The following PTPRT variants were observed in gnomAD, a reference collection of about 807,000 sequenced individuals.
The protein encoded by PTPRT is protein tyrosine phosphatase receptor type T, also known as receptor-type tyrosine-protein phosphatase T.
A neutral mutation model predicts 176.8 loss-of-function variants in PTPRT; 56 were observed. The ratio of observed to expected loss-of-function variants is 0.32; its 90% CI spans 0.26 to 0.40. The LOEUF is 0.40. Ranked by LOEUF, PTPRT falls within the 10% of genes least tolerant of loss-of-function variation. The pLI, the probability that PTPRT is intolerant of heterozygous loss-of-function variation, is 1.00. For missense variants in PTPRT, 1,540 were observed against 1,908.2 expected (o/e 0.81, Z 3.60); for synonymous variants, 783 against 739.0 (o/e 1.06, Z -0.96).
chr20:42,622,510 C>T (rs1600489173), intron 7 of PTPRT, among the ~76,000 whole-genome samples: 1 of 152,074 alleles, frequency 6.6e-6, no homozygotes, highest in Non-Finnish European at 1.5e-5. Context: ...AAAGTGCTGG[C>T]ATTACAGGCA....
chr20:42,929,427 G>A (rs1004365691), intron 1 of PTPRT, among the ~76,000 whole-genome samples: 1 of 152,226 alleles, frequency 6.6e-6, no homozygotes, highest in Admixed American at 6.5e-5. Context: ...GGACAGAGGT[G>A]TATAAATATG....
At chr20:42,177,816 T>C (rs1990355107) in intron 16 of PTPRT, among the ~76,000 whole-genome samples, 1 of 152,072 alleles carries the variant, frequency 6.6e-6, no homozygotes, top group Non-Finnish European at 1.5e-5. Context: ...GGTAAAGATC[T>C]TTCTGTCTGT....
At chr20:42,805,805 T>C (rs758416000) in intron 2 of PTPRT, among the ~76,000 whole-genome samples, 29 of 152,314 alleles carry the variant, frequency 1.9e-4, no homozygotes, top group South Asian at 2.1e-4. Context: ...TTTTATAGTA[T>C]AGATCACGTG....
chr20:42,110,070 A>G (rs1159883697), intron 23 of PTPRT, among the ~76,000 whole-genome samples: 7 of 148,406 alleles, frequency 4.7e-5, no homozygotes, highest in African/African-American at 1.7e-4. Context: ...TTTTTGAGAC[A>G]GAGTCTCGCT....
chr20:42,306,956 C>A (rs913447425), intron 12 of PTPRT, among the ~76,000 whole-genome samples: 18 of 152,194 alleles, frequency 1.2e-4, no homozygotes, highest in Non-Finnish European at 2.2e-4. Flanking sequence ...GGTGAAAGCA[C>A]CTTGCTTAAT....
intron 9 of PTPRT, among the ~76,000 whole-genome samples, chr20:42,393,251 G>C (rs1001884540): frequency 3.9e-5 from 6 of 152,172 alleles, no homozygotes; most frequent in African/African-American, 1.4e-4. Context: ...GCCATATTTG[G>C]GGGTAGCATG....
At chr20:42,276,643 T>C (rs1449407673) in intron 13 of PTPRT, among the ~76,000 whole-genome samples, 1 of 148,396 alleles carries the variant, frequency 6.7e-6, no homozygotes, top group Admixed American at 6.7e-5. Context: ...AACTGACTTG[T>C]CCAAGGTCTA....
intron 24 of PTPRT, among the ~76,000 whole-genome samples, chr20:42,105,858 T>C (rs1390357109): frequency 6.6e-6 from 1 of 152,204 alleles, no homozygotes; most frequent in African/African-American, 2.4e-5. Context: ...GCAGGATTGA[T>C]GATGTGCATA....
At chr20:42,840,549 A>C (rs13038870) in intron 2 of PTPRT, among the ~76,000 whole-genome samples, 18,557 of 152,064 alleles carry the variant, frequency 0.12, 1,388 homozygotes, top group East Asian at 0.34. Context: ...AGTAGCTGGG[A>C]TTACAGGCAT....
intron 9 of PTPRT, among the ~76,000 whole-genome samples, chr20:42,436,024 C>G (rs1416858985): frequency 5.3e-5 from 8 of 152,224 alleles, no homozygotes; most frequent in Admixed American, 5.2e-4. Flanking sequence ...GTAAAAAGGA[C>G]TTGGATAAAG....
chr20:42,436,375 G>A (rs1362130457), intron 9 of PTPRT, among the ~76,000 whole-genome samples: 3 of 152,008 alleles, frequency 2.0e-5, no homozygotes. Flanking sequence ...AAAGAAAAGA[G>A]CATATAACCC....
intron 1 of PTPRT, among the ~76,000 whole-genome samples, chr20:42,890,265 T>C (rs998837722): frequency 6.6e-6 from 1 of 152,182 alleles, no homozygotes; most frequent in African/African-American, 2.4e-5. Flanking sequence ...TTAAGAACTA[T>C]TCAGGGGAGA....
At chr20:43,083,564 C>T (rs542447034) in intron 1 of PTPRT, among the ~76,000 whole-genome samples, 102 of 151,300 alleles carry the variant, frequency 6.7e-4, no homozygotes, top group African/African-American at 2.4e-3. Flanking sequence ...TCACCATGTT[C>T]GGCAGGCTGG....
intron 5 of PTPRT, among the ~76,000 whole-genome samples, chr20:42,769,426 C>A (rs1356400942): frequency 6.6e-6 from 1 of 152,180 alleles, no homozygotes; most frequent in African/African-American, 2.4e-5. Context: ...AACGTGCTCC[C>A]ATTACACACC....
At chr20:42,801,855 G>C (rs376932352) in intron 2 of PTPRT, among the ~76,000 whole-genome samples, 2 of 152,106 alleles carry the variant, frequency 1.3e-5, no homozygotes, top group African/African-American at 4.8e-5. Context: ...CTTGTGGGGG[G>C]GCTAAAAGAA....
chr20:42,289,802 ACCCCTTCAGCACCACACG>A (rs2057290123), intron 12 of PTPRT, among the ~76,000 whole-genome samples: 1 of 151,874 alleles, frequency 6.6e-6, no homozygotes, highest in South Asian at 2.1e-4. Context: ...TCCTAAAATC[ACCCCTTCAGCACCACACG>A]TTTTAAAGTC....
intron 18 of PTPRT, among the ~76,000 whole-genome samples, chr20:42,141,388 C>T (rs1198384150): frequency 6.6e-6 from 1 of 152,212 alleles, no homozygotes; most frequent in Non-Finnish European, 1.5e-5. Flanking sequence ...TTCCAAGCAT[C>T]AGCCAGTGTG....
At chr20:42,299,231 TATAATG>T in intron 12 of PTPRT, among the ~76,000 whole-genome samples, 1 of 152,292 alleles carries the variant, frequency 6.6e-6, no homozygotes, top group Admixed American at 6.5e-5. Flanking sequence ...AGAACCACGT[TATAATG>T]TTTTACATAT....
intron 13 of PTPRT, among the ~76,000 whole-genome samples, chr20:42,266,124 C>T (rs1358793478): frequency 1.3e-5 from 2 of 152,206 alleles, no homozygotes; most frequent in African/African-American, 4.8e-5. Flanking sequence ...TTAGGCCTGG[C>T]TGTACAGGGA....
Sources: gnomAD v4.1 joint callset for allele counts (sites outside exome capture counted in the v4.1 genomes callset) on GRCh38, gnomAD v4.1.1 for gene constraint, MANE v1.5 for transcripts, NCBI Gene and HGNC (gene_info 2026-07-23, HGNC 2026-07-21) for gene names.